The following GALNT10 variants were observed in gnomAD, a reference collection of about 807,000 sequenced individuals.
GALNT10 encodes polypeptide N-acetylgalactosaminyltransferase 10.
GALNT10 carries 41 observed loss-of-function variants against 75.0 expected under a neutral mutation model. That is an observed-to-expected ratio of 0.55 (90% CI 0.43 to 0.71). The LOEUF (loss-of-function observed/expected upper bound fraction) is 0.71, where lower values mean the gene tolerates loss of function less well. GALNT10 is among the 30% of genes least tolerant of loss of function. The pLI, the probability that GALNT10 is intolerant of heterozygous loss-of-function variation, is 0.00. For synonymous variants in GALNT10, 302 were observed against 313.0 expected (o/e 0.96, Z 0.37); for missense variants, 727 against 818.5 (o/e 0.89, Z 1.36).
chr5:154,361,735 T>G (rs1755391671), intron 4 of GALNT10, among the ~76,000 whole-genome samples: 1 of 152,190 alleles, frequency 6.6e-6, no homozygotes, highest in South Asian at 2.1e-4. Context: ...ATTGGTGGTG[T>G]TTAATTTATG....
At chr5:154,314,705 T>C (rs555675055) in intron 3 of GALNT10, among the ~76,000 whole-genome samples, 1 of 151,626 alleles carries the variant, frequency 6.6e-6, no homozygotes, top group African/African-American at 2.4e-5. Context: ...TGTCATCTGC[T>C]TGGCAAAGGG....
chr5:154,283,461 AAAAT>A (rs1437537938), intron 1 of GALNT10, among the ~76,000 whole-genome samples: 5 of 152,102 alleles, frequency 3.3e-5, no homozygotes, highest in African/African-American at 4.8e-5. Flanking sequence ...TCTCTTAAAA[AAAAT>A]AAATAAATAA....
intron 4 of GALNT10, chr5:154,347,030 C>A: frequency 2.7e-6 from 1 of 368,182 alleles, no homozygotes; most frequent in Non-Finnish European, 5.6e-6. Flanking sequence ...TTTCTAGTTC[C>A]ACATTGAAGA....
chr5:154,323,762 A>G (rs1184179020), intron 3 of GALNT10, among the ~76,000 whole-genome samples: 1 of 152,150 alleles, frequency 6.6e-6, no homozygotes. Context: ...TGTCTTGAAC[A>G]TTATCTGAAA....
chr5:154,218,107 C>T (rs774543637), intron 1 of GALNT10: 72 of 985,152 alleles, frequency 7.3e-5, no homozygotes, highest in Non-Finnish European at 8.7e-5. Flanking sequence ...GCAGAGAGGG[C>T]TCAGATGCAC....
chr5:154,413,067 C>T, intron 10 of GALNT10, 62 bp downstream of exon 10: 1 of 1,025,176 alleles, frequency 9.8e-7, no homozygotes, highest in South Asian at 1.3e-5. Context: ...GCCTGGGGTG[C>T]TGACACGGCC....
chr5:154,363,419 G>A (rs773148135), intron 4 of GALNT10, among the ~76,000 whole-genome samples: 2 of 140,974 alleles, frequency 1.4e-5, no homozygotes, highest in African/African-American at 5.3e-5. Flanking sequence ...TATCAATTTT[G>A]GTGTGTCTTT....
At chr5:154,370,922 C>T (rs1357349601) in intron 4 of GALNT10, among the ~76,000 whole-genome samples, 2 of 152,184 alleles carry the variant, frequency 1.3e-5, no homozygotes, top group Non-Finnish European at 1.5e-5. Context: ...TGTATTCCTG[C>T]CATGTCACTG....
chr5:154,315,558 C>T (rs1213416082), intron 3 of GALNT10, among the ~76,000 whole-genome samples: 1 of 152,222 alleles, frequency 6.6e-6, no homozygotes, highest in Non-Finnish European at 1.5e-5. Flanking sequence ...AAGGTTGTGT[C>T]CTCAAGAAAG....
At chr5:154,313,388 CA>C (rs2113098116) in intron 3 of GALNT10, among the ~76,000 whole-genome samples, 1 of 151,832 alleles carries the variant, frequency 6.6e-6, no homozygotes, top group South Asian at 2.1e-4. Flanking sequence ...AATGTAAGTT[CA>C]AAAGGAAGGA....
chr5:154,344,952 A>G (rs1223157525), intron 4 of GALNT10, among the ~76,000 whole-genome samples: 1 of 152,150 alleles, frequency 6.6e-6, no homozygotes, highest in Non-Finnish European at 1.5e-5. Context: ...GTCCCCTCCA[A>G]AAATCAGGCC....
At chr5:154,279,200 C>T (rs1488090279) in intron 1 of GALNT10, among the ~76,000 whole-genome samples, 1 of 152,172 alleles carries the variant, frequency 6.6e-6, no homozygotes, top group Non-Finnish European at 1.5e-5. Flanking sequence ...CCCACATCCT[C>T]ACTAACACTT....
intron 1 of GALNT10, among the ~76,000 whole-genome samples, chr5:154,245,012 A>C (rs1381902645): frequency 6.6e-6 from 1 of 152,186 alleles, no homozygotes; most frequent in Non-Finnish European, 1.5e-5. Context: ...GCTGAAGTCC[A>C]TGGGGTGCCA....
intron 7 of GALNT10, among the ~76,000 whole-genome samples, chr5:154,395,499 T>C (rs1161190962): frequency 1.3e-5 from 2 of 152,206 alleles, no homozygotes; most frequent in African/African-American, 4.8e-5. Context: ...ACATAATAAA[T>C]GTTCGCTAAA....
At chr5:154,293,614 T>TATATATATATATATATATATATATATATA (rs60780135) in intron 1 of GALNT10, among the ~76,000 whole-genome samples, 1 of 106,408 alleles carries the variant, frequency 9.4e-6, no homozygotes, top group African/African-American at 4.1e-5. Context: ...TATATATATA[T>TATATATATATATATATATATATATATATA]TTTTTTTTTC....
At chr5:154,391,605 C>G (rs914238547) in intron 7 of GALNT10, among the ~76,000 whole-genome samples, 9 of 152,212 alleles carry the variant, frequency 5.9e-5, no homozygotes, top group Non-Finnish European at 1.2e-4. Flanking sequence ...CTCCTTTCCC[C>G]TTTTCCTCTT....
intron 1 of GALNT10, among the ~76,000 whole-genome samples, chr5:154,204,622 A>G (rs1481621456): frequency 6.6e-6 from 1 of 152,178 alleles, no homozygotes; most frequent in Non-Finnish European, 1.5e-5. Flanking sequence ...GTCCTTCTGC[A>G]GGACCTTTGC....
chr5:154,212,363 G>C (rs1025351211), intron 1 of GALNT10, among the ~76,000 whole-genome samples: 12 of 152,326 alleles, frequency 7.9e-5, no homozygotes, highest in African/African-American at 2.9e-4. Flanking sequence ...TACCATGACA[G>C]GCACTGCGCC....
chr5:154,356,299 T>C (rs1755288856), intron 4 of GALNT10: 1 of 434,152 alleles, frequency 2.3e-6, no homozygotes, highest in Non-Finnish European at 4.6e-6. Context: ...AGGAAATACA[T>C]AGGGAACTCT....
Sources: allele counts gnomAD v4.1 joint callset (sites outside exome capture counted in the v4.1 genomes callset), GRCh38; gene constraint gnomAD v4.1.1; transcripts MANE v1.5; gene names NCBI Gene and HGNC (gene_info 2026-07-23, HGNC 2026-07-21).